The following BCL11B variants were observed in gnomAD, a reference collection of about 807,000 sequenced individuals.
BCL11B encodes B-cell lymphoma/leukemia 11B.
A neutral mutation model predicts 49.9 loss-of-function variants in BCL11B; 8 were observed. That is an observed-to-expected ratio of 0.16 (90% CI 0.09 to 0.29). BCL11B has a LOEUF of 0.29. Ranked by LOEUF, BCL11B falls within the 10% of genes least tolerant of loss-of-function variation. The pLI, the probability that BCL11B is intolerant of heterozygous loss-of-function variation, is 1.00. For missense variants in BCL11B, 1,006 were observed against 1,351.0 expected, an observed-to-expected ratio of 0.74 and a Z score of 4.00; for synonymous variants, 739 against 637.4, an observed-to-expected ratio of 1.16 and a Z score of -2.40.
intron 3 of BCL11B, among the ~76,000 whole-genome samples, chr14:99,223,338 CAA>C (rs1295310423): frequency 2.0e-5 from 3 of 152,064 alleles, no homozygotes; most frequent in Admixed American, 2.0e-4. Flanking sequence ...ATAATATCTG[CAA>C]AGAGACCTCT....
At chr14:99,266,362 C>G (rs1030936501) in intron 1 of BCL11B, among the ~76,000 whole-genome samples, 9 of 152,140 alleles carry the variant, frequency 5.9e-5, no homozygotes, top group African/African-American at 2.2e-4. Context: ...CAGACCTCCC[C>G]AGCCCGATCA....
intron 2 of BCL11B, among the ~76,000 whole-genome samples, chr14:99,243,418 T>A (rs1282219068): frequency 6.6e-6 from 1 of 152,238 alleles, no homozygotes; most frequent in African/African-American, 2.4e-5. Flanking sequence ...CCCCACGGAC[T>A]GAACAATAAC....
intron 3 of BCL11B, among the ~76,000 whole-genome samples, chr14:99,189,132 C>T (rs1595229263): frequency 6.6e-6 from 1 of 152,254 alleles, no homozygotes; most frequent in East Asian, 1.9e-4. Flanking sequence ...GTCAGATGTA[C>T]TTTAATATAC....
chr14:99,260,790 C>A (rs1050237680), intron 1 of BCL11B, among the ~76,000 whole-genome samples: 8 of 152,064 alleles, frequency 5.3e-5, no homozygotes, highest in African/African-American at 1.7e-4. Context: ...TGCTGTGCTG[C>A]AGCTCTGATT....
At position 99,231,617 on chromosome 14, in the gene BCL11B, G is replaced by A. The variant is rs933685848; in HGVS notation, c.428-60C>T. On this transcript the variant is annotated intron_variant, in intron 2 of 3. Coordinates refer to ENST00000357195, the MANE Select transcript of BCL11B (RefSeq NM_138576.4). The surrounding 1 kb of genome is among the most constrained non-coding windows in gnomAD (Gnocchi z 8.1). ...GGGCCCTGGACTGTGTGAGGGGCACGGGGTGGGACGGGGCTCGGGGCGTGG... is the reference window on the plus strand; with the variant it reads ...GGGCCCTGGACTGTGTGAGGGGCACAGGGTGGGACGGGGCTCGGGGCGTGG... 1.9e-5 allele frequency: 28 copies of A among 1,500,076 alleles called. No individual in the cohort carries two copies. Among genetic ancestry groups the A allele is most frequent in the East Asian group, 7.4e-5 (3 of 40,650 alleles). The allele number at this position is 1,500,076 out of a possible 1,614,324, so 92.9% of individuals were successfully genotyped here.
chr14:99,193,212 G>A (rs1202201741), intron 3 of BCL11B, among the ~76,000 whole-genome samples: 4 of 152,226 alleles, frequency 2.6e-5, no homozygotes, highest in South Asian at 4.1e-4. Context: ...CTGTCTGTTC[G>A]CACACTCCTC....
chr14:99,191,424 AAG>A (rs1887025927), intron 3 of BCL11B, among the ~76,000 whole-genome samples: 1 of 152,116 alleles, frequency 6.6e-6, no homozygotes, highest in South Asian at 2.1e-4. Flanking sequence ...AATAGACTGA[AAG>A]AGAAAGTGGG....
At position 99,271,262 on chromosome 14, in the gene BCL11B, T is replaced by TG; in HGVS notation, c.-45dup. On this transcript the variant is annotated 5_prime_UTR_variant, in exon 1 of 4. Transcript: ENST00000357195. ...GGCATCGCCCGGAGAGCTGCACTGA[T>TG]GGGGGGAGCCGGGGGAGGGGGTCCG... is the stretch of plus-strand genomic sequence containing the variant. The TG allele has an allele frequency of 7.7e-7, 1 of 1,301,738 alleles. No homozygotes were observed. Among genetic ancestry groups the TG allele is most frequent in the South Asian group, 2.7e-5 (1 of 37,048 alleles). The allele number at this position is 1,301,738 out of a possible 1,614,324, so 80.6% of individuals were successfully genotyped here.
At chr14:99,225,848 G>T (rs1441444549) in intron 3 of BCL11B, among the ~76,000 whole-genome samples, 1 of 152,220 alleles carries the variant, frequency 6.6e-6, no homozygotes, top group Non-Finnish European at 1.5e-5. Flanking sequence ...ATTTGCTGGG[G>T]CCTCTTTTAT....
chr14:99,213,878 C>T lies in BCL11B; in HGVS notation c.640+17467G>A, dbSNP rs980977673. ...GGGTACTGCTGGGGCCAGCATCTTG[C>T]TTCTGATGCTGGAACACTCAAGGTG... On this transcript the variant is annotated intron_variant, in intron 3 of 3. Coordinates refer to ENST00000357195, the MANE Select transcript of BCL11B (RefSeq NM_138576.4). The surrounding 1 kb of genome is among the most constrained non-coding windows in gnomAD (Gnocchi z 5.1). Among the ~76,000 whole-genome samples the T allele has an allele frequency of 5.9e-5, 9 of 152,190 alleles. No individual in the cohort carries two copies. Among genetic ancestry groups the T allele is most frequent in the African/African-American group, 2.2e-4 (9 of 41,446 alleles).
At chr14:99,238,679 T>G (rs1162602156) in intron 2 of BCL11B, among the ~76,000 whole-genome samples, 3 of 152,150 alleles carry the variant, frequency 2.0e-5, no homozygotes, top group Non-Finnish European at 2.9e-5. Flanking sequence ...ACTCTTCTTT[T>G]GCTTGTCTCT....
intron 1 of BCL11B, among the ~76,000 whole-genome samples, chr14:99,270,641 C>T (rs1411427539): frequency 6.6e-6 from 1 of 151,994 alleles, no homozygotes; most frequent in Non-Finnish European, 1.5e-5. Context: ...CCGGAGCCGG[C>T]GGCCGCCCCT....
intron 2 of BCL11B, among the ~76,000 whole-genome samples, chr14:99,246,171 G>T (rs908355002): frequency 6.6e-5 from 10 of 152,146 alleles, no homozygotes; most frequent in South Asian, 2.1e-4. Context: ...CAGGCCGAGT[G>T]GGGGAGGGGA....
intron 3 of BCL11B, among the ~76,000 whole-genome samples, chr14:99,199,001 G>A (rs574764410): frequency 6.8e-4 from 104 of 152,218 alleles, no homozygotes; most frequent in African/African-American, 2.4e-3. Flanking sequence ...GACGCTTTGC[G>A]CGGGGCCGTT....
At chr14:99,238,938 A>G (rs1198209376) in intron 2 of BCL11B, among the ~76,000 whole-genome samples, 3 of 152,234 alleles carry the variant, frequency 2.0e-5, no homozygotes. Flanking sequence ...CTGGTTAGAA[A>G]AATGTGTGCA....
intron 2 of BCL11B, among the ~76,000 whole-genome samples, chr14:99,254,919 C>T (rs767407115): frequency 4.6e-5 from 7 of 151,958 alleles, no homozygotes; most frequent in Non-Finnish European, 8.8e-5. Context: ...GTTTCCTTTA[C>T]TGTTAATCTA....
chr14:99,229,453 C>A (rs1566820413), intron 3 of BCL11B, among the ~76,000 whole-genome samples: 2 of 152,108 alleles, frequency 1.3e-5, no homozygotes, highest in African/African-American at 4.8e-5. Context: ...AGAGGGGTGG[C>A]CTTTCAGGAG....
rs1888376857 is a variant in BCL11B, at chr14:99,232,805, A to T, written c.428-1248T>A. On this transcript the variant is annotated intron_variant, in intron 2 of 3. Coordinates refer to ENST00000357195, the MANE Select transcript of BCL11B (RefSeq NM_138576.4). The surrounding 1 kb of genome is among the most constrained non-coding windows in gnomAD (Gnocchi z 5.1). ...CCAAACCCCAGCTGTCTGGCCCCAGAACCAGGGCTCTTTCTCTGTAGCCCT... is the reference window on the plus strand; with the variant it reads ...CCAAACCCCAGCTGTCTGGCCCCAGTACCAGGGCTCTTTCTCTGTAGCCCT... 6.6e-6 allele frequency among the ~76,000 whole-genome samples: 1 copy of T among 152,182 alleles called. No individual in the cohort carries two copies.
intron 3 of BCL11B, among the ~76,000 whole-genome samples, chr14:99,219,490 C>T (rs553759535): frequency 6.6e-6 from 1 of 152,228 alleles, no homozygotes; most frequent in East Asian, 1.9e-4. Flanking sequence ...AAGGCCACTC[C>T]CTTGAGATTC....
Sources: allele counts gnomAD v4.1 joint callset (sites outside exome capture counted in the v4.1 genomes callset), GRCh38; gene constraint gnomAD v4.1.1; non-coding constraint Gnocchi (gnomAD v3.1); transcripts MANE v1.5; gene names NCBI Gene and HGNC (gene_info 2026-07-23, HGNC 2026-07-21).